The following OGN variants were observed in gnomAD, a reference collection of about 807,000 sequenced individuals.
OGN encodes the protein osteoglycin, also known as mimecan.
In OGN, 19 loss-of-function variants were observed where a neutral mutation model predicts 30.8. That is an observed-to-expected ratio of 0.62 (90% confidence interval 0.43 to 0.90). The LOEUF is 0.90. Ranked by LOEUF, OGN falls within the 40% of genes least tolerant of loss-of-function variation. OGN has a pLI of 0.00. For missense variants in OGN, 283 were observed against 349.7 expected, an observed-to-expected ratio of 0.81 and a Z score of 1.52; for synonymous variants, 126 against 128.3, an observed-to-expected ratio of 0.98 and a Z score of 0.12.
At chr9:92,396,626 T>C (rs1842902981) in intron 3 of OGN, among the ~76,000 whole-genome samples, 1 of 151,620 alleles carries the variant, frequency 6.6e-6, no homozygotes, top group African/African-American at 2.4e-5. Context: ...TACAGTCGCA[T>C]GATCATGGTT....
At position 92,384,681 on chromosome 9, in the gene OGN, G is replaced by A. The variant is rs543014116; in HGVS notation, c.*939C>T. ...TCAGTTTGTTACAGTGAACATGGAT[G>A]TGTATGGGTGGGAAGGTAGTGTGCA... On this transcript the variant is annotated 3_prime_UTR_variant, in exon 7 of 7. Coordinates refer to ENST00000375561, the MANE Select transcript of OGN (RefSeq NM_014057.5). 1 of 152,122 alleles carries A rather than the reference G, an allele frequency of 6.6e-6. No individual in the cohort carries two copies. The highest frequency in any genetic ancestry group is 6.5e-5 in the Admixed American group (1 of 15,278). The allele number at this position is 152,122 out of a possible 1,614,324, so 9.4% of individuals were successfully genotyped here. A position where few individuals can be genotyped will look rare whatever the true frequency, so the allele number is the denominator to read the frequency against.
chr9:92,392,016 T>C (rs1842707718), intron 4 of OGN, among the ~76,000 whole-genome samples: 1 of 151,976 alleles, frequency 6.6e-6, no homozygotes, highest in Non-Finnish European at 1.5e-5. Flanking sequence ...CATTTCTCGG[T>C]GTGATTTTTT....
In OGN at chr9:92,389,804, CTATCA is replaced by C. The variant is rs1161943145; in HGVS notation, c.630+45_630+49del. ...TTCTAGACCAAAGTTTCTCTTTTATCTATCATATCATCACTCATACTATGCTTAGT... is the reference window on the plus strand; with the variant it reads ...TTCTAGACCAAAGTTTCTCTTTTATCTATCATCACTCATACTATGCTTAGT... On this transcript the variant is annotated intron_variant, in intron 5 of 6. Coordinates refer to ENST00000375561, the MANE Select transcript of OGN (RefSeq NM_014057.5). 8 of 1,222,584 alleles carry C rather than the reference CTATCA, an allele frequency of 6.5e-6. No homozygotes were observed. In the Admixed American group the frequency reaches 1.8e-4, roughly 27 times the overall value. 75.7% of individuals were successfully genotyped at this position (1,222,584 alleles called of 1,614,324 possible). A position where few individuals can be genotyped will look rare whatever the true frequency, so the allele number is the denominator to read the frequency against.
At chr9:92,395,463 T>A (rs1191581239) in intron 3 of OGN, among the ~76,000 whole-genome samples, 1 of 152,226 alleles carries the variant, frequency 6.6e-6, no homozygotes, top group South Asian at 2.1e-4. Context: ...TTTCACTATT[T>A]CAAAGAAATT....
intron 2 of OGN, among the ~76,000 whole-genome samples, chr9:92,402,607 A>T (rs925608129): frequency 1.3e-5 from 2 of 152,244 alleles, no homozygotes; most frequent in African/African-American, 4.8e-5. Context: ...ATGATGTGGT[A>T]TAACGTCACC....
intron 3 of OGN, among the ~76,000 whole-genome samples, chr9:92,397,020 T>G (rs1448199446): frequency 6.6e-6 from 1 of 151,070 alleles, no homozygotes; most frequent in Non-Finnish European, 1.5e-5. Flanking sequence ...TACAAAAAAA[T>G]ACAAAAATTA....
chr9:92,399,342 C>A (rs761458525), intron 3 of OGN, among the ~76,000 whole-genome samples: 1 of 152,062 alleles, frequency 6.6e-6, no homozygotes, highest in Non-Finnish European at 1.5e-5. Flanking sequence ...TCATTTAAAT[C>A]ATCTTGTGAA....
chr9:92,390,092 G>A (rs1422630411), intron 4 of OGN, 36 bp from the exon 5 acceptor site: 3 of 1,241,552 alleles, frequency 2.4e-6, no homozygotes, highest in African/African-American at 3.0e-5. Context: ...AACTACGTAA[G>A]TAAAATTCTT....
At chr9:92,387,810 C>A (rs1842496210) in intron 5 of OGN, among the ~76,000 whole-genome samples, 1 of 152,110 alleles carries the variant, frequency 6.6e-6, no homozygotes, top group Admixed American at 6.5e-5. Flanking sequence ...GTTGCCCAGG[C>A]TGTAGTGCAG....
intron 4 of OGN, 128 bp downstream of exon 4, chr9:92,392,958 G>T: frequency 3.0e-6 from 2 of 660,354 alleles, no homozygotes; most frequent in Non-Finnish European, 5.0e-6. Context: ...TGTGAAACAT[G>T]TTAGATATTT....
chr9:92,386,158 C>A (rs781352587), intron 6 of OGN, 43 bp downstream of exon 6: 32 of 1,430,954 alleles, frequency 2.2e-5, no homozygotes, highest in Non-Finnish European at 2.9e-5. Flanking sequence ...GATTTTGACT[C>A]ATAGGTAATT....
In OGN at chr9:92,386,165, A is replaced by G. The variant is rs745715592; in HGVS notation, c.726+36T>C. On this transcript the variant is annotated intron_variant, in intron 6 of 6. Coordinates refer to ENST00000375561, the MANE Select transcript of OGN (RefSeq NM_014057.5). ...AGTCACAAGATTTTGACTCATAGGT[A>G]ATTAGAGTCAGATATTGTGAAAGGA... 3 of 1,429,622 alleles carry G rather than the reference A, an allele frequency of 2.1e-6. No homozygotes were observed. In the African/African-American group the frequency reaches 4.2e-5, roughly 20 times the overall value. The allele number at this position is 1,429,622 out of a possible 1,614,324, so 88.6% of individuals were successfully genotyped here. A position where few individuals can be genotyped will look rare whatever the true frequency, so the allele number is the denominator to read the frequency against.
chr9:92,392,749 T>C (rs771811819), intron 4 of OGN, among the ~76,000 whole-genome samples: 1 of 152,128 alleles, frequency 6.6e-6, no homozygotes, highest in Non-Finnish European at 1.5e-5. Context: ...AAATAAAACA[T>C]TGTGGTTGGA....
intron 2 of OGN, among the ~76,000 whole-genome samples, chr9:92,401,776 A>C (rs1180364244): frequency 1.6e-4 from 25 of 152,188 alleles, no homozygotes; most frequent in Admixed American, 1.6e-3. Flanking sequence ...AATTCTGGGG[A>C]AATTGGAGTA....
intron 5 of OGN, among the ~76,000 whole-genome samples, chr9:92,387,554 C>G (rs1404211679): frequency 6.6e-6 from 1 of 152,012 alleles, no homozygotes; most frequent in Non-Finnish European, 1.5e-5. Context: ...ACCTTATCTT[C>G]AATATGTATC....
At chr9:92,393,015 A>G (rs1399414603) in intron 4 of OGN, 71 bp downstream of exon 4, 5 of 1,274,906 alleles carry the variant, frequency 3.9e-6, no homozygotes, top group Non-Finnish European at 4.4e-6. Flanking sequence ...GCAACTATAT[A>G]GAAACTTGTG....
chr9:92,391,836 A>G (rs1842700940), intron 4 of OGN, among the ~76,000 whole-genome samples: 1 of 152,146 alleles, frequency 6.6e-6, no homozygotes, highest in Non-Finnish European at 1.5e-5. Flanking sequence ...TGAAAGCACA[A>G]TGTGTATTAA....
chr9:92,401,278 A>G (rs1843101248), intron 2 of OGN, 93 bp from the exon 3 acceptor site: 1 of 618,830 alleles, frequency 1.6e-6, no homozygotes, highest in Non-Finnish European at 2.9e-6. Flanking sequence ...CGTAGTTACA[A>G]TTAGTGGCAT....
At chr9:92,392,654 A>C (rs2130902046) in intron 4 of OGN, among the ~76,000 whole-genome samples, 1 of 152,254 alleles carries the variant, frequency 6.6e-6, no homozygotes, top group South Asian at 2.1e-4. Context: ...ACACTTCCCA[A>C]GATATTTTTA....
Sources: allele counts gnomAD v4.1 joint callset (sites outside exome capture counted in the v4.1 genomes callset), GRCh38; gene constraint gnomAD v4.1.1; transcripts MANE v1.5; gene names NCBI Gene and HGNC (gene_info 2026-07-23, HGNC 2026-07-21).